NRDC: variants seen among roughly 807,000 people sequenced by gnomAD.
NRDC encodes the protein nardilysin convertase.
Under a neutral mutation model 147.1 loss-of-function variants are expected in NRDC, and 54 were observed. That is an observed-to-expected ratio of 0.37 (90% confidence interval 0.29 to 0.46). The LOEUF is 0.46. Among genes scored for constraint, NRDC ranks in the 20% least tolerant of loss-of-function variants. The pLI is 1.00. For missense variants in NRDC, 1,082 were observed against 1,370.6 expected (o/e 0.79, Z 3.33); for synonymous variants, 440 against 482.1 (o/e 0.91, Z 1.14).
intron 17 of NRDC, among the ~76,000 whole-genome samples, chr1:51,807,944 T>TA (rs1679543840): frequency 6.6e-6 from 1 of 152,042 alleles, no homozygotes; most frequent in African/African-American, 2.4e-5. Context: ...TAGCTGGGAT[T>TA]ACAGGCATGC....
At chr1:51,847,793 G>A (rs946201761) in intron 1 of NRDC, among the ~76,000 whole-genome samples, 1 of 152,192 alleles carries the variant, frequency 6.6e-6, no homozygotes. Context: ...TCCAGCCTCC[G>A]CCATCCCAGG....
At chr1:51,828,473 A>G (rs540257096) in intron 4 of NRDC, among the ~76,000 whole-genome samples, 4 of 152,238 alleles carry the variant, frequency 2.6e-5, no homozygotes, top group African/African-American at 9.6e-5. Flanking sequence ...GTTTCAGTTA[A>G]AAGTTAAATT....
intron 4 of NRDC, among the ~76,000 whole-genome samples, chr1:51,832,613 G>A (rs1318164280): frequency 6.6e-6 from 1 of 152,048 alleles, no homozygotes; most frequent in East Asian, 1.9e-4. Flanking sequence ...CTAGAATTAG[G>A]TATAACTTTT....
At position 51,789,429 on chromosome 1, in the gene NRDC, A is replaced by G. The variant is rs1276117957; in HGVS notation, c.3263T>C (p.Val1088Ala). The change falls in exon 31 of 31, where the codon GTT (valine) becomes GCT (alanine). Residue 1088 changes from valine (V) to alanine (A), a missense_variant. Physicochemically the swap from Val to Ala is moderately conservative, Grantham distance 64 (BLOSUM62 0). Coordinates refer to ENST00000352171, the MANE Select transcript of NRDC (RefSeq NM_001101662.2). Reference protein sequence around the residue: ...PGSKMLSVHVVGYGKYELEED... With the variant: ...PGSKMLSVHVAGYGKYELEED... ...TTCCAGTTCATACTTCCCATATCCA[A>G]CAACCTGAAAGAGGACAAAGACAAA... is the stretch of plus-strand genomic sequence containing the variant. The G allele has an allele frequency of 1.9e-6, 3 of 1,613,920 alleles. No individual in the cohort carries two copies. Among genetic ancestry groups the G allele is most frequent in the East Asian group, 2.2e-5 (1 of 44,894 alleles).
chr1:51,803,165 C>G (rs1557901281), intron 20 of NRDC, among the ~76,000 whole-genome samples: 2 of 152,068 alleles, frequency 1.3e-5, no homozygotes, highest in African/African-American at 4.8e-5. Flanking sequence ...CTATTTCAGG[C>G]AAAACACCAG....
At chr1:51,847,980 T>G (rs775890171) in intron 1 of NRDC, among the ~76,000 whole-genome samples, 13 of 152,224 alleles carry the variant, frequency 8.5e-5, no homozygotes, top group Non-Finnish European at 1.9e-4. Context: ...AAAAATGATT[T>G]TGTAAAAATA....
At chr1:51,794,685 C>T in intron 23 of NRDC, 75 bp from the exon 24 acceptor site, 1 of 1,591,920 alleles carries the variant, frequency 6.3e-7, no homozygotes, top group Non-Finnish European at 8.6e-7. Context: ...TTTTCAATTG[C>T]CTTGTACACC....
intron 1 of NRDC, among the ~76,000 whole-genome samples, chr1:51,848,630 C>A (rs367575337): frequency 6.6e-6 from 1 of 152,080 alleles, no homozygotes; most frequent in African/African-American, 2.4e-5. Flanking sequence ...TAGCCAAAAT[C>A]AAAGAACTAT....
chr1:51,842,049 G>A (rs1178273948), intron 1 of NRDC, among the ~76,000 whole-genome samples: 1 of 152,108 alleles, frequency 6.6e-6, no homozygotes, highest in Non-Finnish European at 1.5e-5. Context: ...GCATGCGCCT[G>A]TAGTCCCATC....
At chr1:51,824,265 A>G (rs2149210999) in intron 6 of NRDC, among the ~76,000 whole-genome samples, 1 of 152,160 alleles carries the variant, frequency 6.6e-6, no homozygotes, top group Non-Finnish European at 1.5e-5. Context: ...AGCTGGGACT[A>G]CAGGCATGAG....
At chr1:51,845,879 G>A (rs1250455309) in intron 1 of NRDC, among the ~76,000 whole-genome samples, 1 of 152,006 alleles carries the variant, frequency 6.6e-6, no homozygotes, top group Admixed American at 6.5e-5. Flanking sequence ...GAATGTTAAC[G>A]CCTGGAGGGG....
intron 1 of NRDC, among the ~76,000 whole-genome samples, chr1:51,852,109 A>C (rs934248625): frequency 6.6e-6 from 1 of 152,162 alleles, no homozygotes; most frequent in African/African-American, 2.4e-5. Flanking sequence ...ATGGCCAAAC[A>C]GAAATGTGGT....
Position 51,792,112 on chromosome 1 carries a change from T to TA in NRDC, c.2824-15dup. On this transcript the variant is annotated splice_polypyrimidine_tract_variant and intron_variant, in intron 25 of 30. Coordinates refer to ENST00000352171, the MANE Select transcript of NRDC (RefSeq NM_001101662.2). ...TTCCATGTGCATCTGTAATTCAACATACTGCCCATCAGCCCAACTCCTCCC... is the reference window on the plus strand; with the variant it reads ...TTCCATGTGCATCTGTAATTCAACATAACTGCCCATCAGCCCAACTCCTCCC... The TA allele has an allele frequency of 6.2e-7, 1 of 1,613,696 alleles. No homozygotes were observed. The highest frequency in any genetic ancestry group is 8.5e-7 in the Non-Finnish European group (1 of 1,179,980).
chr1:51,821,380 T>G, intron 8 of NRDC, 118 bp downstream of exon 8: 1 of 581,618 alleles, frequency 1.7e-6, no homozygotes. Context: ...TAAGTTTGTT[T>G]AGGTCTTAAT....
At chr1:51,842,040 C>T (rs1191608521) in intron 1 of NRDC, among the ~76,000 whole-genome samples, 1 of 152,220 alleles carries the variant, frequency 6.6e-6, no homozygotes, top group Non-Finnish European at 1.5e-5. Context: ...GGCATGGTGG[C>T]ATGCGCCTGT....
At chr1:51,852,503 C>T in intron 1 of NRDC, among the ~76,000 whole-genome samples, 1 of 654 alleles carries the variant, frequency 1.5e-3, no homozygotes, top group Non-Finnish European at 3.2e-3. Context: ...GTATATGAGG[C>T]CTTAAAACTA....
Position 51,861,265 on chromosome 1 carries a change from C to CTTTT in NRDC, c.341+17006_341+17009dup, listed in dbSNP as rs71063057. On this transcript the variant is annotated intron_variant, in intron 1 of 30. Transcript: ENST00000352171. ...GCACCCGGCTGCCCAAGTGGTATTA[C>CTTTT]TTTTTTTTTTTTTTTTTTTGAGACA... is the stretch of plus-strand genomic sequence containing the variant. Among the ~76,000 whole-genome samples the CTTTT allele has an allele frequency of 7.4e-3, 803 of 108,044 alleles. 50 individuals are homozygous for CTTTT. The highest frequency in any genetic ancestry group is 0.069 in the South Asian group (215 of 3,126). 70.9% of individuals were successfully genotyped at this position (108,044 alleles called of 152,430 possible).
Position 51,834,566 on chromosome 1 carries a change from T to G in NRDC, c.713-396A>C, listed in dbSNP as rs866351433. On this transcript the variant is annotated intron_variant, in intron 3 of 30. Coordinates refer to ENST00000352171, the MANE Select transcript of NRDC (RefSeq NM_001101662.2). ...CCTGACCTCAAGTGATCTGCCCACC[T>G]CGGCCTCCCAAAGTGCTGGGATTAC... 2.6e-5 allele frequency among the ~76,000 whole-genome samples: 4 copies of G among 152,294 alleles called. No individual in the cohort carries two copies. In the South Asian group the frequency reaches 8.3e-4, roughly 32 times the overall value.
At chr1:51,869,475 A>G (rs996965925) in intron 1 of NRDC, among the ~76,000 whole-genome samples, 2 of 152,380 alleles carry the variant, frequency 1.3e-5, no homozygotes, top group African/African-American at 4.8e-5. Context: ...AAGTAAACAT[A>G]TAACAGTAAT....
Sources: gnomAD v4.1 joint callset for allele counts (sites outside exome capture counted in the v4.1 genomes callset) on GRCh38, gnomAD v4.1.1 for gene constraint, MANE v1.5 for transcripts, NCBI Gene and HGNC (gene_info 2026-07-23, HGNC 2026-07-21) for gene names.